The following TENM1 variants were observed in gnomAD, a reference collection of about 807,000 sequenced individuals.
TENM1 encodes the protein teneurin-1.
TENM1 carries 35 observed loss-of-function variants against 174.8 expected under a neutral mutation model. The ratio of observed to expected loss-of-function variants is 0.20; its 90% CI spans 0.15 to 0.27. TENM1 has a LOEUF of 0.27. TENM1 is among the 10% of genes least tolerant of loss of function. The probability of loss-of-function intolerance (pLI) is 1.00; values close to 1 mark genes in which losing one functional copy is unlikely to be tolerated. For missense variants in TENM1, 1,633 were observed against 2,130.1 expected, an observed-to-expected ratio of 0.77 and a Z score of 4.59; for synonymous variants, 781 against 798.7, an observed-to-expected ratio of 0.98 and a Z score of 0.37.
chrX:124,467,752 T>TTTTG (rs776938178), intron 22 of TENM1, among the ~76,000 whole-genome samples: 2 of 111,372 alleles, frequency 1.8e-5, no homozygotes, highest in Admixed American at 9.5e-5. Context: ...TAAACCCTAG[T>TTTTG]TTTGTTTGTT....
At chrX:124,599,608 T>G (rs2049983677) in intron 11 of TENM1, among the ~76,000 whole-genome samples, 1 of 111,164 alleles carries the variant, frequency 9.0e-6, no homozygotes, top group South Asian at 3.8e-4. Flanking sequence ...ATCAAGAGAA[T>G]GTAGTATCAC....
At chrX:124,609,470 A>G (rs754055434) in intron 11 of TENM1, among the ~76,000 whole-genome samples, 6 of 111,317 alleles carry the variant, frequency 5.4e-5, no homozygotes, top group Non-Finnish European at 9.4e-5. Flanking sequence ...TGAGCAAGAC[A>G]TGCTACAAGT....
intron 11 of TENM1, among the ~76,000 whole-genome samples, chrX:124,569,323 C>T (rs1055624444): frequency 1.9e-4 from 21 of 111,744 alleles, no homozygotes; most frequent in African/African-American, 6.5e-4. Context: ...GACTTTACAG[C>T]CCCCCTCTCA....
chrX:124,963,442 A>G, intron 1 of TENM1, 95 bp downstream of exon 4: 1 of 780,498 alleles, frequency 1.3e-6, no homozygotes, highest in South Asian at 2.5e-5. Context: ...TTAACCAGTT[A>G]ACATTAGCAA....
chrX:124,724,880 G>T (rs1299762416), intron 4 of TENM1, among the ~76,000 whole-genome samples: 1 of 111,564 alleles, frequency 9.0e-6, no homozygotes, highest in Non-Finnish European at 1.9e-5. Flanking sequence ...TAGGCCATGA[G>T]GGTTCTGTCT....
chrX:124,584,662 C>G (rs1477122601), intron 11 of TENM1, among the ~76,000 whole-genome samples: 3 of 110,891 alleles, frequency 2.7e-5, no homozygotes, highest in Non-Finnish European at 5.7e-5. Flanking sequence ...ATCATAATGA[C>G]AGGATCAAAT....
intron 8 of TENM1, among the ~76,000 whole-genome samples, chrX:124,648,870 A>G (rs978521245): frequency 8.9e-6 from 1 of 112,302 alleles, no homozygotes; most frequent in Non-Finnish European, 1.9e-5. Flanking sequence ...AAAGCTTGCT[A>G]TCAAAATAAA....
chrX:124,424,287 C>T (rs1016641787), intron 23 of TENM1, among the ~76,000 whole-genome samples: 1 of 111,954 alleles, frequency 8.9e-6, no homozygotes, highest in East Asian at 2.8e-4. Context: ...GGAGGTGGGG[C>T]CATATCCATC....
chrX:124,978,006 G>A, the TENM1 span, among the ~76,000 whole-genome samples: 1 of 85,876 alleles, frequency 1.2e-5, no homozygotes, highest in Non-Finnish European at 2.3e-5. Context: ...GAGAGAGAGA[G>A]AGAGAGAGAG....
the TENM1 span, among the ~76,000 whole-genome samples, chrX:125,137,019 C>T: frequency 4.8e-4 from 53 of 110,395 alleles, no homozygotes; most frequent in African/African-American, 1.6e-3. Flanking sequence ...CAGACAGACC[C>T]GAGTTCATAA....
At chrX:124,964,160 C>A (rs2058696274), upstream of TENM1, among the ~76,000 whole-genome samples, 2 of 112,427 alleles carry the variant, frequency 1.8e-5, no homozygotes, top group Admixed American at 9.4e-5. Context: ...GATTAAAAAA[C>A]GTTATCAGAT....
intron 6 of TENM1, among the ~76,000 whole-genome samples, chrX:124,656,841 C>T (rs891176106): frequency 5.4e-5 from 6 of 111,079 alleles, no homozygotes; most frequent in East Asian, 5.6e-4. Flanking sequence ...AGGCCAGGTG[C>T]GGTGGCTCAT....
At chrX:125,035,640 T>C in the TENM1 span, among the ~76,000 whole-genome samples, 1 of 111,635 alleles carries the variant, frequency 9.0e-6, no homozygotes, top group Non-Finnish European at 1.9e-5. Context: ...ACACAACTGC[T>C]AGTGATAATG....
intron 22 of TENM1, among the ~76,000 whole-genome samples, chrX:124,462,192 T>G (rs745951434): frequency 9.1e-6 from 1 of 109,821 alleles, no homozygotes; most frequent in East Asian, 2.9e-4. Flanking sequence ...AGGAACTATC[T>G]ACTGAGTTTC....
chrX:124,811,778 CA>C (rs1175974110), intron 3 of TENM1, among the ~76,000 whole-genome samples: 1 of 111,054 alleles, frequency 9.0e-6, no homozygotes, highest in East Asian at 2.8e-4. Flanking sequence ...CGTACACTAA[CA>C]GATGAATTGA....
At chrX:125,033,571 A>G in the TENM1 span, among the ~76,000 whole-genome samples, 2 of 112,094 alleles carry the variant, frequency 1.8e-5, no homozygotes, top group Admixed American at 9.5e-5. Context: ...AGTAAGTAGC[A>G]GGAGGAAGGG....
chrX:124,897,258 CACATGCCAAG>C (rs2099927885), intron 1 of TENM1, among the ~76,000 whole-genome samples: 1 of 111,214 alleles, frequency 9.0e-6, no homozygotes. Context: ...GAAAAATGAC[CACATGCCAAG>C]ACATATCATC....
exon 32 of TENM1, chrX:124,376,925 TG>T (rs1480244131): frequency 9.0e-6 from 1 of 110,628 alleles, no homozygotes; most frequent in Non-Finnish European, 1.9e-5. Flanking sequence ...TGTAGCCTTA[TG>T]TCTTTCCACA....
intron 11 of TENM1, among the ~76,000 whole-genome samples, chrX:124,592,275 G>T (rs1476068529): frequency 9.0e-6 from 1 of 111,466 alleles, no homozygotes; most frequent in Non-Finnish European, 1.9e-5. Context: ...GGACTTGCTA[G>T]TGTGATCCTT....
Sources: gnomAD v4.1 joint callset for allele counts (sites outside exome capture counted in the v4.1 genomes callset) on GRCh38, gnomAD v4.1.1 for gene constraint, MANE v1.5 for transcripts, NCBI Gene and HGNC (gene_info 2026-07-23, HGNC 2026-07-21) for gene names.